The following FOCAD variants were observed in gnomAD, a reference collection of about 807,000 sequenced individuals.
FOCAD encodes KIAA1797.
In FOCAD, 198 loss-of-function variants were observed where a neutral mutation model predicts 225.6. The ratio of observed to expected loss-of-function variants is 0.88; its 90% confidence interval spans 0.78 to 0.99. FOCAD has a LOEUF of 0.99. Ranked by LOEUF, FOCAD falls within the 50% of genes least tolerant of loss-of-function variation. The pLI is 0.00. For synonymous variants in FOCAD, 897 were observed against 755.0 expected (o/e 1.19, Z -3.08); for missense variants, 2,713 against 2,123.6 (o/e 1.28, Z -5.46).
intron 15 of FOCAD, among the ~76,000 whole-genome samples, chr9:20,851,134 T>C (rs997805091): frequency 1.3e-5 from 2 of 151,610 alleles, no homozygotes; most frequent in African/African-American, 4.8e-5. Flanking sequence ...TGAAAACTTA[T>C]TCCTTTGCAT....
intron 6 of FOCAD, 44 bp downstream of exon 6, chr9:20,758,235 T>G (rs375823824): frequency 7.3e-7 from 1 of 1,367,230 alleles, no homozygotes; most frequent in Non-Finnish European, 1.0e-6. Context: ...GGAGACAGAA[T>G]GGTATATGCT....
rs71334555 is a variant in FOCAD, at chr9:20,815,137, GTTT to G, written c.1456-4644_1456-4642del. ...TACTTCTCTTTGTTTTTTTTTTTTTGTTTTTTTTTTTTTTTTTGAGACAGTCTC... is the reference window on the plus strand; with the variant it reads ...TACTTCTCTTTGTTTTTTTTTTTTTGTTTTTTTTTTTTTTGAGACAGTCTC... On this transcript the variant is annotated intron_variant, in intron 11 of 43. Transcript: ENST00000338382. Among the ~76,000 whole-genome samples the G allele has an allele frequency of 6.7e-4, 46 of 69,146 alleles. 2 individuals carry two copies. Among genetic ancestry groups the G allele is most frequent in the African/African-American group, 2.7e-3 (45 of 16,592 alleles). The allele number at this position is 69,146 out of a possible 152,430, so 45.4% of individuals were successfully genotyped here.
intron 26 of FOCAD, among the ~76,000 whole-genome samples, chr9:20,928,757 C>T (rs1835188389): frequency 6.6e-6 from 1 of 152,146 alleles, no homozygotes; most frequent in Admixed American, 6.6e-5. Context: ...ATTTCAACTT[C>T]CTTTTTAATT....
At chr9:20,677,009 C>G (rs534704272) in intron 2 of FOCAD, among the ~76,000 whole-genome samples, 11 of 152,276 alleles carry the variant, frequency 7.2e-5, no homozygotes, top group Admixed American at 5.2e-4. Context: ...CTACACTAAT[C>G]AAAACAGTAT....
chr9:20,894,894 G>A (rs1831943560), intron 21 of FOCAD, among the ~76,000 whole-genome samples: 1 of 151,992 alleles, frequency 6.6e-6, no homozygotes, highest in Non-Finnish European at 1.5e-5. Flanking sequence ...CTGAAAAGCT[G>A]TCATCAAGCC....
At chr9:20,750,800 AT>A (rs1246480351) in intron 5 of FOCAD, among the ~76,000 whole-genome samples, 2 of 152,090 alleles carry the variant, frequency 1.3e-5, no homozygotes, top group East Asian at 3.8e-4. Context: ...GAGGACTTAG[AT>A]TTTATTAGAC....
intron 3 of FOCAD, among the ~76,000 whole-genome samples, chr9:20,719,760 GCAAA>G (rs1464375009): frequency 3.5e-5 from 5 of 141,390 alleles, no homozygotes; most frequent in African/African-American, 7.7e-5. Flanking sequence ...TCTTTCTTGG[GCAAA>G]CAGTTTTCCT....
chr9:20,969,867 A>G (rs1201041449), intron 35 of FOCAD, among the ~76,000 whole-genome samples: 1 of 151,924 alleles, frequency 6.6e-6, no homozygotes, highest in Non-Finnish European at 1.5e-5. Flanking sequence ...GACTCCCATT[A>G]ACATTTCTCG....
At chr9:20,835,777 A>C (rs1366954621) in intron 15 of FOCAD, among the ~76,000 whole-genome samples, 1 of 152,072 alleles carries the variant, frequency 6.6e-6, no homozygotes, top group Non-Finnish European at 1.5e-5. Flanking sequence ...ATCAGCTGTG[A>C]GTCTGTTGTA....
At chr9:20,911,883 G>T (rs1251537467) in intron 22 of FOCAD, among the ~76,000 whole-genome samples, 1 of 152,074 alleles carries the variant, frequency 6.6e-6, no homozygotes, top group African/African-American at 2.4e-5. Flanking sequence ...AAGACAGCTA[G>T]TAGAGAAATG....
intron 15 of FOCAD, among the ~76,000 whole-genome samples, chr9:20,860,802 C>T (rs1377299727): frequency 4.6e-5 from 7 of 152,170 alleles, no homozygotes; most frequent in African/African-American, 7.2e-5. Context: ...TGAGCCACCA[C>T]GCCAGGCCCA....
chr9:20,858,778 G>C (rs1392405609), intron 15 of FOCAD, among the ~76,000 whole-genome samples: 1 of 151,774 alleles, frequency 6.6e-6, no homozygotes, highest in African/African-American at 2.4e-5. Context: ...CATATGTTTT[G>C]GTATGTTTGT....
intron 18 of FOCAD, among the ~76,000 whole-genome samples, chr9:20,867,296 A>G (rs1299601748): frequency 2.0e-5 from 3 of 151,984 alleles, no homozygotes; most frequent in South Asian, 4.1e-4. Flanking sequence ...TTGCCTAATT[A>G]GTATGCCATC....
intron 35 of FOCAD, among the ~76,000 whole-genome samples, chr9:20,954,107 G>C (rs982658365): frequency 6.6e-6 from 1 of 151,890 alleles, no homozygotes; most frequent in Non-Finnish European, 1.5e-5. Flanking sequence ...ATTATTCTAG[G>C]GTCCTGAATT....
intron 11 of FOCAD, 56 bp from the exon 12 acceptor site, chr9:20,819,740 A>T: frequency 1.1e-6 from 1 of 885,286 alleles, no homozygotes; most frequent in Non-Finnish European, 1.7e-6. Context: ...ATATTCCATT[A>T]TATATTACTT....
Position 20,926,176 on chromosome 9 carries a change from A to T in FOCAD, c.2962-125A>T, listed in dbSNP as rs1834925539. The T allele has an allele frequency of 4.5e-5, 28 of 622,568 alleles. No individual in the cohort carries two copies. The South Asian group carries it at 4.9e-4, about 11-fold the overall frequency. 38.6% of individuals were successfully genotyped at this position (622,568 alleles called of 1,614,324 possible). ...ACGTGCATGCTTATAGTCCAAGCAGATGAAGTTTACTTTTTGATAACAGCA... is the reference window on the plus strand; with the variant it reads ...ACGTGCATGCTTATAGTCCAAGCAGTTGAAGTTTACTTTTTGATAACAGCA... On this transcript the variant is annotated intron_variant, in intron 25 of 43. Coordinates refer to ENST00000338382, the MANE Select transcript of FOCAD (RefSeq NM_001375567.1).
chr9:20,845,442 G>GATATATATATATAT (rs3086547), intron 15 of FOCAD, among the ~76,000 whole-genome samples: 6,974 of 120,764 alleles, frequency 0.058, 308 homozygotes, highest in Admixed American at 0.093. Context: ...TCTTTTCCTC[G>GATATATATATATAT]ATATATATAT....
At chr9:20,843,530 C>T (rs1015277694) in intron 15 of FOCAD, among the ~76,000 whole-genome samples, 6 of 151,860 alleles carry the variant, frequency 4.0e-5, no homozygotes, top group African/African-American at 1.4e-4. Context: ...TTTTAGGATC[C>T]TTTAAAAATC....
intron 10 of FOCAD, among the ~76,000 whole-genome samples, chr9:20,785,172 C>T (rs973084692): frequency 5.9e-5 from 9 of 152,054 alleles, no homozygotes; most frequent in Admixed American, 2.6e-4. Context: ...TTAACTGAGG[C>T]ATAAAGAAGG....
Sources: allele counts gnomAD v4.1 joint callset (sites outside exome capture counted in the v4.1 genomes callset), GRCh38; gene constraint gnomAD v4.1.1; transcripts MANE v1.5; gene names NCBI Gene and HGNC (gene_info 2026-07-23, HGNC 2026-07-21).